The following USP15 variants were observed in gnomAD, a reference collection of about 807,000 sequenced individuals.
The protein encoded by USP15 is ubiquitin specific peptidase 15.
USP15 carries 18 observed loss-of-function variants against 127.1 expected under a neutral mutation model. The observed-to-expected ratio is 0.14, with a 90% confidence interval of 0.10 to 0.21. USP15 has a LOEUF of 0.21. Ranked by LOEUF, USP15 falls within the 10% of genes least tolerant of loss-of-function variation. The pLI, the probability that USP15 is intolerant of heterozygous loss-of-function variation, is 1.00. For missense variants in USP15, 805 were observed against 1,159.9 expected (o/e 0.69, Z 4.44); for synonymous variants, 364 against 393.7 (o/e 0.92, Z 0.89).
rs573169954 is a variant in USP15, at chr12:62,333,451, T to C, written c.683+7518T>C. The stretch of plus-strand genomic sequence containing the variant: ...GGCTAATTTTTGGGTTTTTTTGTTC[T>C]TTTGTTTGTTTGTTTTGTTTTGTTT... On this transcript the variant is annotated intron_variant, in intron 6 of 21. Transcript: ENST00000280377. 5.9e-5 allele frequency among the ~76,000 whole-genome samples: 9 copies of C among 152,098 alleles called. No individual in the cohort carries two copies. The South Asian group carries it at 1.9e-3, about 32-fold the overall frequency.
chr12:62,355,442 G>A lies in USP15; in HGVS notation c.882G>A (p.Leu294=), dbSNP rs1267539092. 2.5e-6 allele frequency: 4 copies of A among 1,605,998 alleles called. No individual in the cohort carries two copies. In the African/African-American group the frequency reaches 5.4e-5, roughly 22 times the overall value. ...EQPGLCGLSN[L]GNTCFMNSAI... Reference sequence around the variant, plus strand: ...CAGGCCTCTGTGGCCTAAGTAACTTGGGAAATACGTGTTTCATGAACTCAG... The same window carrying A: ...CAGGCCTCTGTGGCCTAAGTAACTTAGGAAATACGTGTTTCATGAACTCAG... Residue 294 remains leucine (L), a synonymous_variant, in exon 8 of 22, where the codon TTG becomes TTA. Transcript: ENST00000280377.
rs991398485 is a variant in USP15 at position 62,408,383 on chromosome 12, C to G, written c.*4008C>G. 1 of 151,286 alleles carries G rather than the reference C, an allele frequency of 6.6e-6. No individual in the cohort carries two copies. Among genetic ancestry groups the G allele is most frequent in the African/African-American group, 2.4e-5 (1 of 41,096 alleles). 9.4% of individuals were successfully genotyped at this position (151,286 alleles called of 1,614,324 possible). On this transcript the variant is annotated 3_prime_UTR_variant, in exon 22 of 22. Transcript: ENST00000280377. ...GCTTGTGCAGTGTAGATGAGCTCAC[C>G]GCTTTAATTTTTAAGATAGAAATGT...
chr12:62,362,598 AG>A (rs577551882), intron 8 of USP15, among the ~76,000 whole-genome samples: 47 of 152,184 alleles, frequency 3.1e-4, no homozygotes, highest in Non-Finnish European at 6.0e-4. Flanking sequence ...AGAATATTGT[AG>A]ATTATCAAGC....
rs76409277 is a variant in USP15 at position 62,336,050 on chromosome 12, C to T, written c.683+10117C>T. 2.2e-3 allele frequency: 2,193 copies of T among 984,672 alleles called. 34 individuals carry two copies. In the African/African-American group the frequency reaches 0.027, roughly 12 times the overall value. The allele number at this position is 984,672 out of a possible 1,614,324, so 61.0% of individuals were successfully genotyped here. A position where few individuals can be genotyped will look rare whatever the true frequency, so the allele number is the denominator to read the frequency against. On this transcript the variant is annotated intron_variant, in intron 6 of 21. Transcript: ENST00000280377. ...TCTATGTGATAGGCCCTCCTTGGCA[C>T]GGTGCAGTGCAGCTTCACTAACTGT...
intron 1 of USP15, among the ~76,000 whole-genome samples, chr12:62,271,810 G>A (rs2137053841): frequency 6.6e-6 from 1 of 151,762 alleles, no homozygotes; most frequent in South Asian, 2.1e-4. Flanking sequence ...AATCTTACTT[G>A]GCCTCCTTGA....
In USP15 at chr12:62,379,066, T is replaced by C. The variant is rs1442417688; in HGVS notation, c.916-2424T>C. On this transcript the variant is annotated intron_variant, in intron 8 of 21. Transcript: ENST00000280377. ...TAAAAATTAAAGTTACAGTATATTA[T>C]CAAATAAGTGCTGTAATAAAAGTAA... Among the ~76,000 whole-genome samples the C allele has an allele frequency of 2.6e-5, 4 of 151,956 alleles. No individual in the cohort carries two copies. The East Asian group carries it at 7.7e-4, about 29-fold the overall frequency.
chr12:62,384,322 G>GTTTTTT lies in USP15; in HGVS notation c.1473+24_1473+25insTTTTTT. ...ATGCAGGTAAATCATGGGTTGGTTT[G>GTTTTTT]TTTTGTTTTTTTTTTTTTTTTTTTG... On this transcript the variant is annotated intron_variant, in intron 11 of 21. Coordinates refer to ENST00000280377, the MANE Select transcript of USP15 (RefSeq NM_001252078.2). 3 of 918,848 alleles carry GTTTTTT rather than the reference G, an allele frequency of 3.3e-6. No individual in the cohort carries two copies. Among genetic ancestry groups the GTTTTTT allele is most frequent in the East Asian group, 3.8e-5 (1 of 26,602 alleles). 56.9% of individuals were successfully genotyped at this position (918,848 alleles called of 1,614,324 possible). A position where few individuals can be genotyped will look rare whatever the true frequency, so the allele number is the denominator to read the frequency against.
chr12:62,352,775 G>A (rs2065999868), intron 7 of USP15, among the ~76,000 whole-genome samples: 1 of 151,872 alleles, frequency 6.6e-6, no homozygotes, highest in Non-Finnish European at 1.5e-5. Context: ...TCAGGTGTCA[G>A]TGCTAGTTTA....
In USP15 at chr12:62,411,493, A is replaced by G. The variant is rs2137714683; in HGVS notation, c.*7118A>G. The G allele has an allele frequency of 6.6e-6, 1 of 152,362 alleles. No individual in the cohort carries two copies. Among genetic ancestry groups the G allele is most frequent in the East Asian group, 1.9e-4 (1 of 5,194 alleles). 9.4% of individuals were successfully genotyped at this position (152,362 alleles called of 1,614,324 possible). A position where few individuals can be genotyped will look rare whatever the true frequency, so the allele number is the denominator to read the frequency against. On this transcript the variant is annotated 3_prime_UTR_variant, in exon 22 of 22. Transcript: ENST00000280377. ...ATTTTTAAAGCTATTTGTGAGCATA[A>G]CTTCGTAACACATTTAGAACCTTTG...
chr12:62,344,824 C>T (rs1204159997), intron 6 of USP15, among the ~76,000 whole-genome samples: 1 of 152,206 alleles, frequency 6.6e-6, no homozygotes, highest in Non-Finnish European at 1.5e-5. Context: ...TTGGGGCTTC[C>T]ACACTCTGAA....
intron 6 of USP15, among the ~76,000 whole-genome samples, chr12:62,326,280 T>A (rs537229968): frequency 1.1e-3 from 165 of 152,280 alleles, no homozygotes; most frequent in African/African-American, 3.8e-3. Context: ...TTTATCAAAA[T>A]GAATCTGATG....
chr12:62,344,900 C>A (rs761860950), intron 6 of USP15, among the ~76,000 whole-genome samples: 5 of 152,194 alleles, frequency 3.3e-5, no homozygotes, highest in Non-Finnish European at 7.3e-5. Context: ...CACAGGGTAC[C>A]AAGTCCCTAG....
At chr12:62,289,458 T>A (rs2063888824) in intron 1 of USP15, among the ~76,000 whole-genome samples, 1 of 152,114 alleles carries the variant, frequency 6.6e-6, no homozygotes, top group African/African-American at 2.4e-5. Context: ...AATATCTTCT[T>A]TTTTATTTCC....
At chr12:62,335,493 A>G (rs2065434095) in intron 6 of USP15, 1 of 1,200,082 alleles carries the variant, frequency 8.3e-7, no homozygotes, top group Non-Finnish European at 1.0e-6. Flanking sequence ...TACCTGTAGT[A>G]TTTATCTCAA....
chr12:62,384,054 A>C, intron 10 of USP15, 24 bp from the exon 11 acceptor site: 2 of 1,610,384 alleles, frequency 1.2e-6, no homozygotes, highest in Non-Finnish European at 1.7e-6. Context: ...ACCTCTTTCT[A>C]ATTTGTGTCT....
At chr12:62,333,708 A>G (rs1367921187) in intron 6 of USP15, among the ~76,000 whole-genome samples, 8 of 152,146 alleles carry the variant, frequency 5.3e-5, no homozygotes, top group Non-Finnish European at 1.0e-4. Context: ...TTAAAGTTGG[A>G]GGTAATGAAA....
intron 3 of USP15, among the ~76,000 whole-genome samples, chr12:62,308,713 G>C (rs191233790): frequency 1.5e-3 from 226 of 152,106 alleles, no homozygotes; most frequent in African/African-American, 5.2e-3. Context: ...CTATTAAGTG[G>C]AATTTTTAAG....
chr12:62,359,370 G>A (rs2066242261), intron 8 of USP15, among the ~76,000 whole-genome samples: 1 of 151,818 alleles, frequency 6.6e-6, no homozygotes, highest in Admixed American at 6.6e-5. Flanking sequence ...CCCTAGACAA[G>A]TTAATTCCAC....
chr12:62,361,869 A>G (rs747353616), intron 8 of USP15, among the ~76,000 whole-genome samples: 2 of 152,076 alleles, frequency 1.3e-5, no homozygotes, highest in Non-Finnish European at 2.9e-5. Context: ...AGGGTCAGTG[A>G]GTTGGTTACT....
Sources: allele counts gnomAD v4.1 joint callset (sites outside exome capture counted in the v4.1 genomes callset), GRCh38; gene constraint gnomAD v4.1.1; transcripts MANE v1.5; gene names NCBI Gene and HGNC (gene_info 2026-07-23, HGNC 2026-07-21).